The following MDN1 variants were observed in gnomAD, a reference collection of about 807,000 sequenced individuals.
MDN1 encodes the protein midasin.
Under a neutral mutation model 669.2 loss-of-function variants are expected in MDN1, and 266 were observed. The ratio of observed to expected loss-of-function variants is 0.40; its 90% confidence interval spans 0.36 to 0.44. The LOEUF is 0.44. Ranked by LOEUF, MDN1 falls within the 20% of genes least tolerant of loss-of-function variation. MDN1 has a pLI of 1.00. For missense variants in MDN1, 5,940 were observed against 6,754.0 expected (o/e 0.88, Z 4.22); for synonymous variants, 2,385 against 2,457.1 (o/e 0.97, Z 0.87).
At chr6:89,665,634 G>C (rs985948835) in intron 84 of MDN1, among the ~76,000 whole-genome samples, 6 of 150,802 alleles carry the variant, frequency 4.0e-5, no homozygotes, top group African/African-American at 1.5e-4. Flanking sequence ...TTGAATCCGG[G>C]AGGTGGAGGT....
intron 96 of MDN1, 125 bp downstream of exon 96, chr6:89,650,607 C>T: frequency 1.4e-6 from 1 of 695,790 alleles, no homozygotes; most frequent in Non-Finnish European, 2.4e-6. Context: ...CATACTGGTG[C>T]CTGTACGGCA....
At chr6:89,658,170 T>C (rs773806423) in intron 90 of MDN1, 39 bp downstream of exon 90, 2 of 1,611,962 alleles carry the variant, frequency 1.2e-6, no homozygotes, top group South Asian at 2.2e-5. Flanking sequence ...GAGACCCTAC[T>C]AAGAGGCAGC....
At position 89,725,531 on chromosome 6, in the gene MDN1, C is replaced by T. The variant is rs1815159391; in HGVS notation, c.5473-135G>A. ...AATTTCAAACAATATTGATAACCTTCTGTATTTTTGGCTGAGTTATGGTTG... is the reference window on the plus strand; with the variant it reads ...AATTTCAAACAATATTGATAACCTTTTGTATTTTTGGCTGAGTTATGGTTG... On this transcript the variant is annotated intron_variant, in intron 37 of 101. Transcript: ENST00000369393. The T allele has an allele frequency of 1.4e-5, 11 of 795,708 alleles. No homozygotes were observed. In the South Asian group the frequency reaches 1.6e-4, roughly 12 times the overall value. The allele number at this position is 795,708 out of a possible 1,614,324, so 49.3% of individuals were successfully genotyped here.
chr6:89,777,948 T>G (rs1416359829), intron 11 of MDN1, among the ~76,000 whole-genome samples: 1 of 152,150 alleles, frequency 6.6e-6, no homozygotes, highest in Non-Finnish European at 1.5e-5. Flanking sequence ...TAGCCTAGTA[T>G]TCATTAAGCT....
At position 89,700,205 on chromosome 6, in the gene MDN1, C is replaced by A; in HGVS notation, c.8728G>T (p.Ala2910Ser). 1 of 1,614,202 alleles carries A rather than the reference C, an allele frequency of 6.2e-7. No individual in the cohort carries two copies. The highest frequency in any genetic ancestry group is 8.5e-7 in the Non-Finnish European group (1 of 1,180,036). Residue 2910 changes from alanine to serine, a missense_variant, in exon 57 of 102, where the codon GCT becomes TCT. By Grantham distance (99) the Ala-to-Ser change is moderately conservative. Transcript: ENST00000369393. ...LGFLEKKHDEASSLSHPDLTS... is the reference protein window; with the variant it reads ...LGFLEKKHDESSSLSHPDLTS... The stretch of plus-strand genomic sequence containing the variant: ...AAGTCTGGATGGGACAGGGAGGAAG[C>A]TTCATCATGCTTTTTCTCCAGAAAA...
At chr6:89,778,216 A>AG (rs1818449373) in intron 11 of MDN1, among the ~76,000 whole-genome samples, 1 of 151,708 alleles carries the variant, frequency 6.6e-6, no homozygotes. Flanking sequence ...AAAAAAAAAA[A>AG]AGAGAAAACA....
intron 1 of MDN1, among the ~76,000 whole-genome samples, chr6:89,811,443 A>AT (rs886623270): frequency 2.0e-3 from 295 of 145,804 alleles, no homozygotes; most frequent in African/African-American, 4.1e-3. Context: ...ACTTCTTTTT[A>AT]TTTTTTTTTT....
In MDN1 at chr6:89,688,564, C is replaced by T. The variant is rs1427019091; in HGVS notation, c.11259+9G>A. The T allele has an allele frequency of 6.2e-7, 1 of 1,609,922 alleles. No individual in the cohort carries two copies. The highest frequency in any genetic ancestry group is 1.7e-5 in the Admixed American group (1 of 59,884). Reference sequence around the variant, plus strand: ...ACTGTGAGCACTCCTTCCTCAACAGCTGCCCTACCTGTTCAAGCGCTGGGT... The same window carrying T: ...ACTGTGAGCACTCCTTCCTCAACAGTTGCCCTACCTGTTCAAGCGCTGGGT... On this transcript the variant is annotated intron_variant, in intron 66 of 101. Coordinates refer to ENST00000369393, the MANE Select transcript of MDN1 (RefSeq NM_014611.3).
At chr6:89,766,176 G>T (rs1817791579) in intron 15 of MDN1, among the ~76,000 whole-genome samples, 1 of 152,056 alleles carries the variant, frequency 6.6e-6, no homozygotes, top group Admixed American at 6.6e-5. Flanking sequence ...GCGGGCCCCT[G>T]TAATCCCAGG....
intron 36 of MDN1, 59 bp from the exon 37 acceptor site, chr6:89,728,014 T>C: frequency 6.5e-7 from 1 of 1,537,020 alleles, no homozygotes; most frequent in Non-Finnish European, 8.8e-7. Flanking sequence ...AACTGGATTC[T>C]AACACCCTAA....
chr6:89,695,915 C>A lies in MDN1; in HGVS notation c.9461G>T (p.Arg3154Leu), dbSNP rs759614260. ...AGLAELLPES[R>L]RQEYMQNCEQ... ...ACAGTTCTGCATGTACTCCTGCCGC[C>A]GGGACTCTGGGAGCAGCTCTGCTAG... is the stretch of plus-strand genomic sequence containing the variant. The change falls in exon 61 of 102, where the codon CGG (arginine) becomes CTG (leucine). Residue 3154 changes from arginine (R) to leucine (L), a missense_variant. By Grantham distance (102) the Arg-to-Leu change is moderately radical. Around this residue, in one of 5 missense-constraint regions of MDN1, gnomAD observed 2,292 missense variants for 2,638.3 expected, o/e 0.87. Coordinates refer to ENST00000369393, the MANE Select transcript of MDN1 (RefSeq NM_014611.3). The surrounding 1 kb of genome is among the most constrained non-coding windows in gnomAD (Gnocchi z 4.1). 5.0e-6 allele frequency: 8 copies of A among 1,612,860 alleles called. No individual in the cohort carries two copies. Among genetic ancestry groups the A allele is most frequent in the Non-Finnish European group, 6.8e-6 (8 of 1,180,026 alleles).
rs377704610 is a variant in MDN1 at position 89,688,712 on chromosome 6, A to G, written c.11120T>C (p.Val3707Ala). ...LFGEAPSDLM[V>A]KPDGPYDFYQ... The stretch of plus-strand genomic sequence containing the variant: ...GAAGTCATAGGGCCCATCAGGTTTC[A>G]CCATCAGGTCTGAGGGTGCCTCCCC... The change falls in exon 66 of 102, where the codon GTG (valine) becomes GCG (alanine). Residue 3707 changes from valine (V) to alanine (A), a missense_variant. Coordinates refer to ENST00000369393, the MANE Select transcript of MDN1 (RefSeq NM_014611.3). 4 of 1,614,068 alleles carry G rather than the reference A, an allele frequency of 2.5e-6. No individual in the cohort carries two copies. The African/African-American group carries it at 5.3e-5, about 22-fold the overall frequency.
intron 79 of MDN1, 146 bp downstream of exon 79, chr6:89,673,958 C>T: frequency 2.5e-5 from 8 of 325,918 alleles, no homozygotes; most frequent in South Asian, 8.0e-5. Context: ...CCCACCCCAT[C>T]CCCCAAACCG....
chr6:89,753,684 T>TGAGGAA, intron 21 of MDN1, 62 bp from the exon 22 acceptor site: 1 of 1,323,818 alleles, frequency 7.6e-7, no homozygotes. Context: ...ACCAAACTTA[T>TGAGGAA]TTCCAGAACA....
chr6:89,686,970 G>A lies in MDN1; in HGVS notation c.11504C>T (p.Thr3835Ile). 6.2e-7 allele frequency: 1 copy of A among 1,613,990 alleles called. No individual in the cohort carries two copies. The highest frequency in any genetic ancestry group is 1.1e-5 in the South Asian group (1 of 91,064). ...CTGATAGATGGAGAACCAGTGCTTG[G>A]TGGATTTCTCGGTGTGGCGCTTCAT... ...NTMKRHTEKSTKHWFSIYQML... is the reference protein window; with the variant it reads ...NTMKRHTEKSIKHWFSIYQML... Residue 3835 changes from threonine to isoleucine, a missense_variant, in exon 69 of 102, where the codon ACC (threonine) becomes ATC (isoleucine). Thr to Ile is a moderately conservative substitution (Grantham distance 89). This residue lies in a region of MDN1 where 2,280 missense variants were observed against 2,576.3 expected (regional missense o/e 0.88). Transcript: ENST00000369393.
chr6:89,660,487 TG>T lies in MDN1; in HGVS notation c.14713+943del, dbSNP rs767482026. 2.2e-3 allele frequency among the ~76,000 whole-genome samples: 338 copies of T among 151,680 alleles called. 2 individuals are homozygous for T. The highest frequency in any genetic ancestry group is 4.4e-3 in the Admixed American group (67 of 15,224). On this transcript the variant is annotated intron_variant, in intron 88 of 101. Transcript: ENST00000369393. ...ACACAAGCCTCTGCAACCAGCCTACTGGGTTTTTTTTTCCCATTATCTATTA... is the reference window on the plus strand; with the variant it reads ...ACACAAGCCTCTGCAACCAGCCTACTGGTTTTTTTTTCCCATTATCTATTA...
Position 89,700,163 on chromosome 6 carries a change from G to A in MDN1, c.8770C>T (p.Leu2924Phe). The A allele has an allele frequency of 6.2e-7, 1 of 1,614,204 alleles. No individual in the cohort carries two copies. Among genetic ancestry groups the A allele is most frequent in the Non-Finnish European group, 8.5e-7 (1 of 1,180,026 alleles). Residue 2924 changes from leucine (L) to phenylalanine (F), a missense_variant, in exon 57 of 102, where the codon CTC becomes TTC. Leu to Phe is a conservative substitution (Grantham distance 22). Around this residue, in one of 5 missense-constraint regions of MDN1, gnomAD observed 2,292 missense variants for 2,638.3 expected, o/e 0.87. Transcript: ENST00000369393. ...SHPDLTSVIH[L>F]TRSVQLWPAM... Reference sequence around the variant, plus strand: ...GGCCACAACTGAACACTCCTGGTGAGGTGGATTACGGAGGTCAAGTCTGGA... The same window carrying A: ...GGCCACAACTGAACACTCCTGGTGAAGTGGATTACGGAGGTCAAGTCTGGA...
In MDN1 at chr6:89,723,136, T is replaced by C; in HGVS notation, c.5786A>G (p.His1929Arg). 6.2e-7 allele frequency: 1 copy of C among 1,613,936 alleles called. No homozygotes were observed. The highest frequency in any genetic ancestry group is 8.5e-7 in the Non-Finnish European group (1 of 1,179,904). ...CCATTTCTTCTCAACAGTCACTTCA[T>C]GATCAATCTAGAAAGAAAACATCCT... ...KMVAFNNQID[H>R]EVTVEKKWGQ... Residue 1929 changes from histidine (H) to arginine (R), a missense_variant, in exon 40 of 102, where the codon CAT (histidine) becomes CGT (arginine). Transcript: ENST00000369393.
intron 94 of MDN1, 137 bp downstream of exon 94, chr6:89,652,855 T>C (rs962752438): frequency 1.4e-5 from 12 of 874,140 alleles, no homozygotes; most frequent in Non-Finnish European, 2.1e-5. Context: ...CCTAAAAATT[T>C]TGAATAAGAA....
Sources: allele counts gnomAD v4.1 joint callset (sites outside exome capture counted in the v4.1 genomes callset), GRCh38; gene constraint gnomAD v4.1.1; regional missense constraint gnomAD v4.1.1; non-coding constraint Gnocchi (gnomAD v3.1); transcripts MANE v1.5; gene names NCBI Gene and HGNC (gene_info 2026-07-23, HGNC 2026-07-21).